APP: variants seen among roughly 807,000 people sequenced by gnomAD.
APP encodes amyloid beta precursor protein.
A neutral mutation model predicts 101.4 loss-of-function variants in APP; 31 were observed. The observed-to-expected ratio is 0.31, with a 90% CI of 0.23 to 0.41. APP has a LOEUF of 0.41. Among genes scored for constraint, APP ranks in the 10% least tolerant of loss-of-function variants. APP has a pLI of 1.00. For synonymous variants in APP, 366 were observed against 364.4 expected, an observed-to-expected ratio of 1.00 and a Z score of -0.05; for missense variants, 839 against 1,003.7, an observed-to-expected ratio of 0.84 and a Z score of 2.22.
intron 15 of APP, among the ~76,000 whole-genome samples, chr21:25,902,112 A>T (rs571172879): frequency 6.6e-6 from 1 of 152,216 alleles, no homozygotes; most frequent in South Asian, 2.1e-4. Context: ...CTGTTTTTTT[A>T]GATATGAGAG....
intron 13 of APP, among the ~76,000 whole-genome samples, chr21:25,950,497 C>T (rs1174901216): frequency 3.2e-5 from 1 of 31,258 alleles, no homozygotes; most frequent in Non-Finnish European, 6.7e-5. Flanking sequence ...TCTCCTGCCT[C>T]AGCCTCCTGA....
chr21:25,931,757 GAA>G lies in APP; in HGVS notation c.1688-19797_1688-19796del, dbSNP rs367682832. On this transcript the variant is annotated intron_variant, in intron 13 of 17. Coordinates refer to ENST00000346798, the MANE Select transcript of APP (RefSeq NM_000484.4). ...AATTCTTGACCTGAGTTTAATCTACGAAAAGAGAAAATATGGGGGAGAAAGGT... is the reference window on the plus strand; with the variant it reads ...AATTCTTGACCTGAGTTTAATCTACGAAGAGAAAATATGGGGGAGAAAGGT... Among the ~76,000 whole-genome samples, 65 of 152,266 alleles carry G rather than the reference GAA, an allele frequency of 4.3e-4. No individual in the cohort carries two copies. The East Asian group carries it at 0.01, about 24-fold the overall frequency.
chr21:26,110,457 A>T (rs1276748554), intron 2 of APP, among the ~76,000 whole-genome samples: 1 of 152,166 alleles, frequency 6.6e-6, no homozygotes, highest in African/African-American at 2.4e-5. Context: ...AAAAAAAACA[A>T]AACAAAACAA....
At chr21:26,089,773 A>G in intron 3 of APP, 170 bp downstream of exon 3, 1 of 935,552 alleles carries the variant, frequency 1.1e-6, no homozygotes, top group Non-Finnish European at 1.6e-6. Flanking sequence ...TACTGCTCCT[A>G]TAGGGTCAGT....
intron 6 of APP, chr21:26,009,881 C>A: frequency 5.8e-6 from 1 of 173,546 alleles, no homozygotes; most frequent in Non-Finnish European, 1.2e-5. Flanking sequence ...AGCCATCGTG[C>A]CTGGCCAGAA....
At chr21:26,056,539 G>A (rs1008511509) in intron 3 of APP, among the ~76,000 whole-genome samples, 17 of 152,124 alleles carry the variant, frequency 1.1e-4, no homozygotes, top group African/African-American at 3.9e-4. Flanking sequence ...TGTGGACCAA[G>A]TCTGCCCACC....
chr21:26,094,017 G>A (rs947358017), intron 2 of APP, among the ~76,000 whole-genome samples: 6 of 151,786 alleles, frequency 4.0e-5, no homozygotes, highest in Non-Finnish European at 7.4e-5. Flanking sequence ...TCCGGAGGCT[G>A]AGGCAGGAGA....
chr21:26,057,486 C>CAA (rs1021957200), intron 3 of APP, among the ~76,000 whole-genome samples: 7 of 152,078 alleles, frequency 4.6e-5, no homozygotes, highest in African/African-American at 1.7e-4. Flanking sequence ...CACACACACA[C>CAA]ACACACACAC....
chr21:26,055,746 A>C (rs2046015621), intron 3 of APP, among the ~76,000 whole-genome samples: 1 of 152,246 alleles, frequency 6.6e-6, no homozygotes, highest in Non-Finnish European at 1.5e-5. Context: ...TACTGGAAAG[A>C]TTAAATGCCT....
chr21:26,104,692 T>A (rs530618608), intron 2 of APP, among the ~76,000 whole-genome samples: 6 of 152,272 alleles, frequency 3.9e-5, no homozygotes, highest in African/African-American at 1.4e-4. Context: ...CAGAGAAGCA[T>A]GAGACTATGA....
At chr21:26,150,026 T>C (rs8130724) in intron 1 of APP, among the ~76,000 whole-genome samples, 56,008 of 151,844 alleles carry the variant, frequency 0.37, 11,249 homozygotes, top group African/African-American at 0.55. Context: ...CCTTGCCAAT[T>C]AAACTGACGA....
At chr21:26,028,215 A>G (rs2044668604) in intron 5 of APP, among the ~76,000 whole-genome samples, 1 of 151,962 alleles carries the variant, frequency 6.6e-6, no homozygotes, top group South Asian at 2.1e-4. Context: ...TAAAGTCATG[A>G]CACAGCTGAT....
chr21:26,146,280 G>A (rs1418601426), intron 1 of APP, among the ~76,000 whole-genome samples: 1 of 152,240 alleles, frequency 6.6e-6, no homozygotes, highest in Non-Finnish European at 1.5e-5. Context: ...AGGTTGCAGT[G>A]AGTCCAGACT....
At chr21:26,105,353 G>A (rs747733254) in intron 2 of APP, among the ~76,000 whole-genome samples, 23 of 152,118 alleles carry the variant, frequency 1.5e-4, no homozygotes, top group Non-Finnish European at 3.2e-4. Flanking sequence ...CCCTATGAAT[G>A]AGAAGTATGG....
chr21:26,140,096 T>A (rs1279162799), intron 1 of APP: 3 of 1,264,670 alleles, frequency 2.4e-6, no homozygotes. Flanking sequence ...GAGAACAGAG[T>A]TTCATCTTAC....
At chr21:26,048,416 G>GAA (rs570316659) in intron 5 of APP, among the ~76,000 whole-genome samples, 1 of 150,824 alleles carries the variant, frequency 6.6e-6, no homozygotes, top group African/African-American at 2.4e-5. Context: ...AGGGCCTATA[G>GAA]AAAAAAAAAG....
intron 6 of APP, among the ~76,000 whole-genome samples, chr21:26,016,494 G>A (rs887086150): frequency 6.6e-6 from 1 of 152,236 alleles, no homozygotes; most frequent in African/African-American, 2.4e-5. Context: ...TTTGACATGA[G>A]TGTAGCAGAA....
At chr21:26,170,362 A>G (rs1299715090) in intron 1 of APP, among the ~76,000 whole-genome samples, 2 of 151,858 alleles carry the variant, frequency 1.3e-5, no homozygotes, top group Admixed American at 6.6e-5. Flanking sequence ...GCTCCCTCTC[A>G]GCGGGCCGGA....
rs542654602 is a variant in APP at position 26,012,972 on chromosome 21, T to C, written c.865+8868A>G. On this transcript the variant is annotated intron_variant, in intron 6 of 17. Transcript: ENST00000346798. ...CCCAGCCTGGGTGACTGAGACTCCATGTCAACAAAACAAAACAAAACAAAA... is the reference window on the plus strand; with the variant it reads ...CCCAGCCTGGGTGACTGAGACTCCACGTCAACAAAACAAAACAAAACAAAA... 4.0e-3 allele frequency among the ~76,000 whole-genome samples: 550 copies of C among 136,746 alleles called. 6 individuals are homozygous for C. Among genetic ancestry groups the C allele is most frequent in the African/African-American group, 0.015 (519 of 33,716 alleles). 89.7% of individuals were successfully genotyped at this position (136,746 alleles called of 152,430 possible). A position where few individuals can be genotyped will look rare whatever the true frequency, so the allele number is the denominator to read the frequency against.
Sources: allele counts gnomAD v4.1 joint callset (sites outside exome capture counted in the v4.1 genomes callset), GRCh38; gene constraint gnomAD v4.1.1; transcripts MANE v1.5; gene names NCBI Gene and HGNC (gene_info 2026-07-23, HGNC 2026-07-21).